MALRD1: variants seen among roughly 807,000 people sequenced by gnomAD.
MALRD1 encodes MAM and LDL-receptor class A domain-containing protein 1.
MALRD1 carries 247 observed loss-of-function variants against 242.1 expected under a neutral mutation model. The ratio of observed to expected loss-of-function variants is 1.02; its 90% confidence interval spans 0.92 to 1.13. The LOEUF is 1.13. Among genes scored for constraint, MALRD1 ranks in the 50% most tolerant of loss-of-function variants. The probability of loss-of-function intolerance (pLI) is 0.00; values close to 1 mark genes in which losing one functional copy is unlikely to be tolerated. For missense variants in MALRD1, 2,989 were observed against 2,533.1 expected (o/e 1.18, Z -3.86); for synonymous variants, 995 against 866.6 (o/e 1.15, Z -2.60).
chr10:19,316,636 G>T (rs1223550802), intron 21 of MALRD1, among the ~76,000 whole-genome samples: 1 of 151,788 alleles, frequency 6.6e-6, no homozygotes, highest in Non-Finnish European at 1.5e-5. Flanking sequence ...GCACAACGAG[G>T]AATGATCTGC....
chr10:19,168,508 G>A (rs182331045), intron 13 of MALRD1, among the ~76,000 whole-genome samples: 1 of 152,192 alleles, frequency 6.6e-6, no homozygotes, highest in African/African-American at 2.4e-5. Flanking sequence ...TGCCATTTCT[G>A]TCTACAGCTG....
chr10:19,390,261 A>G (rs7896649), intron 28 of MALRD1, among the ~76,000 whole-genome samples: 132,551 of 151,920 alleles, frequency 0.87, 58,063 homozygotes, highest in African/African-American at 0.92. Context: ...AAGACCGGCT[A>G]TCCATTTTTC....
At chr10:19,571,861 T>C (rs1425166357) in intron 33 of MALRD1, among the ~76,000 whole-genome samples, 1 of 152,174 alleles carries the variant, frequency 6.6e-6, no homozygotes, top group Non-Finnish European at 1.5e-5. Context: ...TAAGATCTTA[T>C]AACAAAACAT....
chr10:19,113,806 C>CAA (rs1836769869), intron 5 of MALRD1, among the ~76,000 whole-genome samples: 1 of 144,068 alleles, frequency 6.9e-6, no homozygotes, highest in South Asian at 2.3e-4. Flanking sequence ...CACACACACA[C>CAA]ACACACACAC....
At chr10:19,279,951 G>A in intron 19 of MALRD1, 96 bp from the exon 20 acceptor site, 4 of 975,756 alleles carry the variant, frequency 4.1e-6, no homozygotes, top group Non-Finnish European at 5.7e-6. Flanking sequence ...ATGATATTGT[G>A]GGGCATATTT....
intron 18 of MALRD1, among the ~76,000 whole-genome samples, chr10:19,214,616 A>C (rs1310763978): frequency 6.6e-6 from 1 of 152,212 alleles, no homozygotes; most frequent in Admixed American, 6.5e-5. Flanking sequence ...AATGAAGTTA[A>C]AGGGTAAACA....
intron 18 of MALRD1, among the ~76,000 whole-genome samples, chr10:19,224,574 A>G (rs2131674682): frequency 6.6e-6 from 1 of 152,216 alleles, no homozygotes; most frequent in Non-Finnish European, 1.5e-5. Flanking sequence ...TACAGGCGTG[A>G]GCCACCACGC....
At chr10:19,361,436 G>T (rs577673402) in intron 26 of MALRD1, among the ~76,000 whole-genome samples, 4 of 152,194 alleles carry the variant, frequency 2.6e-5, no homozygotes, top group Admixed American at 2.0e-4. Context: ...ATCAGCCTAC[G>T]ATTTCTTAGC....
intron 26 of MALRD1, among the ~76,000 whole-genome samples, chr10:19,357,857 GA>G (rs1844704001): frequency 6.6e-6 from 1 of 152,078 alleles, no homozygotes; most frequent in Admixed American, 6.6e-5. Context: ...GAAAAGACAA[GA>G]GGGGAAAAAT....
chr10:19,616,500 C>T (rs1472931695), intron 36 of MALRD1, among the ~76,000 whole-genome samples: 1 of 151,978 alleles, frequency 6.6e-6, no homozygotes, highest in East Asian at 1.9e-4. Flanking sequence ...TTTCTTCTCT[C>T]ACCCTTTGGG....
chr10:19,301,180 A>T (rs1364308548), intron 21 of MALRD1, among the ~76,000 whole-genome samples: 1 of 151,886 alleles, frequency 6.6e-6, no homozygotes, highest in East Asian at 1.9e-4. Flanking sequence ...AAACCTGTCA[A>T]AATGGCTATT....
chr10:19,335,026 T>G (rs1000885202), intron 24 of MALRD1, among the ~76,000 whole-genome samples: 2 of 152,140 alleles, frequency 1.3e-5, no homozygotes, highest in Admixed American at 1.3e-4. Flanking sequence ...AGGGAACGTA[T>G]GCTGATTTAC....
At chr10:19,186,282 G>T (rs1835733932) in intron 14 of MALRD1, among the ~76,000 whole-genome samples, 1 of 152,130 alleles carries the variant, frequency 6.6e-6, no homozygotes, top group Admixed American at 6.5e-5. Flanking sequence ...CTAGACAGAT[G>T]TCATTGTGAA....
intron 14 of MALRD1, among the ~76,000 whole-genome samples, chr10:19,197,914 G>A (rs758840698): frequency 1.7e-4 from 26 of 152,108 alleles, no homozygotes; most frequent in Non-Finnish European, 2.8e-4. Context: ...CAGACATATA[G>A]CATGTATTTG....
chr10:19,495,036 G>A (rs1483817067), intron 30 of MALRD1, among the ~76,000 whole-genome samples: 2 of 151,698 alleles, frequency 1.3e-5, no homozygotes, highest in African/African-American at 4.9e-5. Context: ...GAGTGAAGTG[G>A]CATAATCTCA....
chr10:19,570,773 AAATAT>A (rs1232943612), intron 33 of MALRD1, among the ~76,000 whole-genome samples: 4 of 152,086 alleles, frequency 2.6e-5, no homozygotes, highest in African/African-American at 4.8e-5. Context: ...AAGATATACA[AAATAT>A]AATATCTGTC....
intron 4 of MALRD1, among the ~76,000 whole-genome samples, chr10:19,102,454 C>A (rs1588546364): frequency 6.6e-6 from 1 of 151,968 alleles, no homozygotes; most frequent in East Asian, 1.9e-4. Flanking sequence ...TGATAGGTAG[C>A]ATATGGCTTG....
chr10:19,405,966 GTGACAAAAGATCACT>G (rs1847083191), intron 28 of MALRD1, among the ~76,000 whole-genome samples: 1 of 152,016 alleles, frequency 6.6e-6, no homozygotes, highest in Non-Finnish European at 1.5e-5. Flanking sequence ...GCTCCTAGAT[GTGACAAAAGATCACT>G]GGTCATGTAG....
intron 19 of MALRD1, among the ~76,000 whole-genome samples, chr10:19,261,693 CTA>C (rs1288201139): frequency 2.0e-5 from 3 of 151,660 alleles, no homozygotes; most frequent in Non-Finnish European, 4.4e-5. Flanking sequence ...ATGTGGGTTT[CTA>C]TCTTACCTAC....
Sources: gnomAD v4.1 joint callset for allele counts (sites outside exome capture counted in the v4.1 genomes callset) on GRCh38, gnomAD v4.1.1 for gene constraint, MANE v1.5 for transcripts, NCBI Gene and HGNC (gene_info 2026-07-23, HGNC 2026-07-21) for gene names.